Variants in CSMD1 observed in about 807,000 individuals in gnomAD.
The protein encoded by CSMD1 is CUB and sushi domain-containing protein 1.
In CSMD1, 213 loss-of-function variants were observed where a neutral mutation model predicts 417.5. The ratio of observed to expected loss-of-function variants is 0.51; its 90% CI spans 0.46 to 0.57. The LOEUF (loss-of-function observed/expected upper bound fraction) is 0.57. Ranked by LOEUF, CSMD1 falls within the 20% of genes least tolerant of loss-of-function variation. The pLI is 0.00. For missense variants in CSMD1, 6,923 were observed against 4,529.7 expected (o/e 1.53, Z -15.17); for synonymous variants, 2,862 against 1,736.8 (o/e 1.65, Z -16.11).
At chr8:4,144,559 A>G (rs1457705289) in intron 3 of CSMD1, among the ~76,000 whole-genome samples, 8 of 151,052 alleles carry the variant, frequency 5.3e-5, no homozygotes, top group East Asian at 3.9e-4. Flanking sequence ...GAGTCTCCTA[A>G]TTGTTATCTG....
At chr8:3,310,622 CTT>C (rs1462911783) in intron 23 of CSMD1, among the ~76,000 whole-genome samples, 1 of 152,144 alleles carries the variant, frequency 6.6e-6, no homozygotes, top group African/African-American at 2.4e-5. Context: ...GTGTAAAAAA[CTT>C]TTGAGTTCAG....
At chr8:4,065,127 T>C (rs1417078100) in intron 3 of CSMD1, among the ~76,000 whole-genome samples, 8 of 152,232 alleles carry the variant, frequency 5.3e-5, no homozygotes, top group African/African-American at 1.4e-4. Context: ...TTTATGTTTT[T>C]AGAGTTTTTT....
chr8:4,388,307 C>T lies in CSMD1; in HGVS notation c.415+31646G>A, dbSNP rs1278800524. Among the ~76,000 whole-genome samples, 4 of 106,196 alleles carry T rather than the reference C, an allele frequency of 3.8e-5. No homozygotes were observed. In the East Asian group the frequency reaches 6.8e-4, roughly 18 times the overall value. 69.7% of individuals were successfully genotyped at this position (106,196 alleles called of 152,430 possible). A position where few individuals can be genotyped will look rare whatever the true frequency, so the allele number is the denominator to read the frequency against. Reference sequence around the variant, plus strand: ...AAGTGGATAAAGAAACTGTGATACACACACACACACACAGACACACACACA... The same window carrying T: ...AAGTGGATAAAGAAACTGTGATACATACACACACACACAGACACACACACA... On this transcript the variant is annotated intron_variant, in intron 3 of 69. Coordinates refer to ENST00000635120, the MANE Select transcript of CSMD1 (RefSeq NM_033225.6).
chr8:4,145,853 C>T (rs1804080226), intron 3 of CSMD1, among the ~76,000 whole-genome samples: 2 of 151,098 alleles, frequency 1.3e-5, no homozygotes, highest in African/African-American at 2.5e-5. Flanking sequence ...CCGTTCACAC[C>T]AGCTTTGAAT....
At chr8:3,048,930 C>A (rs1811639136) in intron 50 of CSMD1, among the ~76,000 whole-genome samples, 1 of 149,270 alleles carries the variant, frequency 6.7e-6, no homozygotes, top group African/African-American at 2.5e-5. Context: ...AAGGCCTGAA[C>A]AGACACCTCA....
intron 3 of CSMD1, among the ~76,000 whole-genome samples, chr8:4,408,691 A>C (rs150389495): frequency 4.1e-4 from 62 of 152,324 alleles, no homozygotes; most frequent in African/African-American, 1.1e-3. Flanking sequence ...AACCAAGAAT[A>C]AGCCCATAGT....
At chr8:4,244,320 A>C (rs1013176041) in intron 3 of CSMD1, among the ~76,000 whole-genome samples, 1 of 152,166 alleles carries the variant, frequency 6.6e-6, no homozygotes, top group Non-Finnish European at 1.5e-5. Flanking sequence ...TCCATGCCTG[A>C]AACTTTGCCT....
intron 7 of CSMD1, among the ~76,000 whole-genome samples, chr8:3,650,585 T>A (rs1369190016): frequency 6.6e-6 from 1 of 152,168 alleles, no homozygotes; most frequent in African/African-American, 2.4e-5. Flanking sequence ...CTAGTTATTC[T>A]GAGTACATAT....
At chr8:4,223,516 C>T (rs1448600007) in intron 3 of CSMD1, among the ~76,000 whole-genome samples, 1 of 152,190 alleles carries the variant, frequency 6.6e-6, no homozygotes, top group African/African-American at 2.4e-5. Context: ...CGTAATCTAC[C>T]ACACCACTGC....
At chr8:2,939,912 C>T (rs924337290) in intron 69 of CSMD1, among the ~76,000 whole-genome samples, 14 of 152,204 alleles carry the variant, frequency 9.2e-5, no homozygotes, top group African/African-American at 2.9e-4. Context: ...CAAGCTGCCA[C>T]AGTCCCTTCA....
In CSMD1 at chr8:4,756,193, G is replaced by T. The variant is rs1007659023; in HGVS notation, c.86-118635C>A. Among the ~76,000 whole-genome samples, 10 of 152,216 alleles carry T rather than the reference G, an allele frequency of 6.6e-5. 1 individual carries two copies. Among genetic ancestry groups the T allele is most frequent in the Admixed American group, 2.6e-4 (4 of 15,290 alleles). On this transcript the variant is annotated intron_variant, in intron 1 of 69. Transcript: ENST00000635120. ...GCACACACATTTCTGGAAAACTGTT[G>T]ATCTATTTAACATCTAGCATAATAT...
chr8:4,928,627 C>T (rs1347057696), intron 1 of CSMD1, among the ~76,000 whole-genome samples: 1 of 152,136 alleles, frequency 6.6e-6, no homozygotes, highest in Non-Finnish European at 1.5e-5. Flanking sequence ...GTAACTGGCT[C>T]ATAGTAAGGG....
At chr8:3,277,431 C>G (rs1429291111) in intron 26 of CSMD1, among the ~76,000 whole-genome samples, 1 of 152,112 alleles carries the variant, frequency 6.6e-6, no homozygotes, top group Admixed American at 6.6e-5. Context: ...GCGGCGTAGA[C>G]CAAGGCGGCA....
At chr8:4,547,610 T>C (rs1391160494) in intron 2 of CSMD1, among the ~76,000 whole-genome samples, 1 of 152,200 alleles carries the variant, frequency 6.6e-6, no homozygotes, top group East Asian at 1.9e-4. Context: ...TTCTTTACTG[T>C]TTTTCCACAA....
intron 10 of CSMD1, among the ~76,000 whole-genome samples, chr8:3,504,376 A>G (rs538142758): frequency 6.6e-6 from 1 of 152,302 alleles, no homozygotes; most frequent in South Asian, 2.1e-4. Context: ...TATCCGTAAA[A>G]TGAGAATGAT....
intron 4 of CSMD1, among the ~76,000 whole-genome samples, chr8:4,012,437 T>A (rs1343826765): frequency 6.6e-6 from 1 of 152,144 alleles, no homozygotes; most frequent in Non-Finnish European, 1.5e-5. Context: ...ATTCTTAACT[T>A]TTATTTTTGT....
At chr8:4,968,137 C>G (rs1337040697) in intron 1 of CSMD1, among the ~76,000 whole-genome samples, 1 of 151,956 alleles carries the variant, frequency 6.6e-6, no homozygotes, top group Non-Finnish European at 1.5e-5. Context: ...TTTTATTAAG[C>G]AGCAAAAATA....
At chr8:3,749,678 G>C (rs115731782) in intron 6 of CSMD1, among the ~76,000 whole-genome samples, 127 of 152,268 alleles carry the variant, frequency 8.3e-4, no homozygotes, top group African/African-American at 3.0e-3. Flanking sequence ...GTTTCTCATA[G>C]AAAGAGACCA....
At chr8:4,605,530 A>C (rs1790826986) in intron 2 of CSMD1, among the ~76,000 whole-genome samples, 1 of 152,234 alleles carries the variant, frequency 6.6e-6, no homozygotes, top group African/African-American at 2.4e-5. Flanking sequence ...AGTTAACAGA[A>C]AAATTACAAT....
Sources: gnomAD v4.1 joint callset for allele counts (sites outside exome capture counted in the v4.1 genomes callset) on GRCh38, gnomAD v4.1.1 for gene constraint, MANE v1.5 for transcripts, NCBI Gene and HGNC (gene_info 2026-07-23, HGNC 2026-07-21) for gene names.